The following PLCG2 variants were observed in gnomAD, a reference collection of about 807,000 sequenced individuals.
PLCG2 encodes the protein phospholipase C gamma 2, also known as 1-phosphatidylinositol 4,5-bisphosphate phosphodiesterase gamma-2.
In PLCG2, 69 loss-of-function variants were observed where a neutral mutation model predicts 175.6. The observed-to-expected ratio is 0.39, with a 90% CI of 0.32 to 0.48. The LOEUF (loss-of-function observed/expected upper bound fraction) is 0.48, where lower values mean the gene tolerates loss of function less well. Ranked by LOEUF, PLCG2 falls within the 20% of genes least tolerant of loss-of-function variation. PLCG2 has a pLI of 0.91. For synonymous variants in PLCG2, 827 were observed against 624.0 expected (o/e 1.33, Z -4.85); for missense variants, 1,798 against 1,650.9 (o/e 1.09, Z -1.54).
At chr16:81,916,316 T>A (rs1372697389) in intron 19 of PLCG2, among the ~76,000 whole-genome samples, 2 of 151,826 alleles carry the variant, frequency 1.3e-5, no homozygotes, top group Admixed American at 1.3e-4. Context: ...CAACGTTTTT[T>A]AAAAAAAGAA....
At chr16:81,864,442 T>A (rs1210337447) in intron 5 of PLCG2, among the ~76,000 whole-genome samples, 4 of 152,216 alleles carry the variant, frequency 2.6e-5, no homozygotes, top group Non-Finnish European at 5.9e-5. Flanking sequence ...ACAGCACAGA[T>A]GTCTCCATCA....
At position 81,797,056 on chromosome 16, in the gene PLCG2, T is replaced by G. The variant is rs559368257; in HGVS notation, c.193+10874T>G. ...TTGCTTTCTTCCACGTGTCATGTTATTTTCTAGCTGCGTTGGTTCTGGCCT... is the reference window on the plus strand; with the variant it reads ...TTGCTTTCTTCCACGTGTCATGTTAGTTTCTAGCTGCGTTGGTTCTGGCCT... On this transcript the variant is annotated intron_variant, in intron 2 of 32. Transcript: ENST00000564138. 7.9e-5 allele frequency among the ~76,000 whole-genome samples: 12 copies of G among 152,324 alleles called. No homozygotes were observed. The South Asian group carries it at 2.5e-3, about 32-fold the overall frequency.
Position 81,946,224 on chromosome 16 carries a change from G to A in PLCG2, c.3531G>A (p.Leu1177=). ...ATGGGTACAGCGAGGACATAGAGCT[G>A]GCTTCCCTCCTGGTTTTCTGTGAGA... The part of the protein sequence containing the change: ...LKNGYSEDIE[L]ASLLVFCEMR... The change falls in exon 31 of 33, where the codon CTG becomes CTA. Residue 1177 remains leucine (L), a synonymous_variant. Transcript: ENST00000564138. 2 of 1,613,948 alleles carry A rather than the reference G, an allele frequency of 1.2e-6. No individual in the cohort carries two copies. Among genetic ancestry groups the A allele is most frequent in the South Asian group, 1.1e-5 (1 of 91,078 alleles).
At chr16:81,747,427 C>T (rs190425567) in intron 1 of PLCG2, among the ~76,000 whole-genome samples, 29 of 152,144 alleles carry the variant, frequency 1.9e-4, no homozygotes, top group African/African-American at 5.5e-4. Flanking sequence ...CCCAGCTACA[C>T]GGGACACTGA....
At chr16:81,833,907 T>G (rs993038543) in intron 2 of PLCG2, among the ~76,000 whole-genome samples, 5 of 152,188 alleles carry the variant, frequency 3.3e-5, no homozygotes, top group Non-Finnish European at 7.3e-5. Flanking sequence ...GCTTCTGGCA[T>G]CTCTCTGTCT....
chr16:81,938,955 G>A lies in PLCG2; in HGVS notation c.3313+40G>A, dbSNP rs147045716. ...TTGGCCCCTCTGCTTTTAAACGTCC[G>A]GCCAGTGAATCCTTTGTGGGAGTGC... On this transcript the variant is annotated intron_variant, in intron 29 of 32. Transcript: ENST00000564138. 9,777 of 1,160,236 alleles carry A rather than the reference G, an allele frequency of 8.4e-3. 56 individuals carry two copies. The highest frequency in any genetic ancestry group is 0.011 in the Non-Finnish European group (8,157 of 773,464). The allele number at this position is 1,160,236 out of a possible 1,614,324, so 71.9% of individuals were successfully genotyped here.
At chr16:81,823,793 G>A (rs970814828) in intron 2 of PLCG2, among the ~76,000 whole-genome samples, 8 of 151,568 alleles carry the variant, frequency 5.3e-5, no homozygotes, top group Non-Finnish European at 8.8e-5. Context: ...GTGTCCCAAA[G>A]TGCTGGGATT....
intron 15 of PLCG2, among the ~76,000 whole-genome samples, chr16:81,905,757 C>T (rs1909341891): frequency 6.6e-6 from 1 of 152,162 alleles, no homozygotes; most frequent in African/African-American, 2.4e-5. Flanking sequence ...CTCCCAGGCT[C>T]AAGTGATCCT....
chr16:81,897,733 T>C (rs1908960576), intron 13 of PLCG2: 1 of 404,740 alleles, frequency 2.5e-6, no homozygotes, highest in Admixed American at 2.7e-5. Flanking sequence ...TTGGTAGAGA[T>C]AGGGTTTCAC....
chr16:81,886,818 G>C (rs879570512), intron 9 of PLCG2, among the ~76,000 whole-genome samples: 1 of 152,210 alleles, frequency 6.6e-6, no homozygotes, highest in Non-Finnish European at 1.5e-5. Flanking sequence ...GCCGAGTATA[G>C]AGTCAGTGCT....
chr16:81,851,302 G>A (rs979742867), intron 2 of PLCG2, among the ~76,000 whole-genome samples: 3 of 152,182 alleles, frequency 2.0e-5, no homozygotes, highest in Non-Finnish European at 2.9e-5. Context: ...CCTGGACATG[G>A]TCGCTGGTGC....
chr16:81,881,105 T>A, intron 8 of PLCG2, 152 bp downstream of exon 8: 2 of 716,364 alleles, frequency 2.8e-6, no homozygotes, highest in Non-Finnish European at 4.9e-6. Flanking sequence ...ATCCCATGCC[T>A]GTGGCGTGGA....
intron 31 of PLCG2, among the ~76,000 whole-genome samples, chr16:81,947,034 C>T (rs995044788): frequency 9.2e-5 from 14 of 152,160 alleles, no homozygotes; most frequent in African/African-American, 3.1e-4. Flanking sequence ...GCAGACACTT[C>T]ACAGAAAAGT....
At chr16:81,817,831 C>T (rs1272247114) in intron 2 of PLCG2, among the ~76,000 whole-genome samples, 1 of 152,208 alleles carries the variant, frequency 6.6e-6, no homozygotes, top group Non-Finnish European at 1.5e-5. Flanking sequence ...TATTACATGT[C>T]AGGCCCAGGC....
intron 2 of PLCG2, among the ~76,000 whole-genome samples, chr16:81,800,638 C>T (rs1345089111): frequency 1.3e-5 from 2 of 151,924 alleles, no homozygotes; most frequent in African/African-American, 4.8e-5. Context: ...GGGTTGATTC[C>T]CTATCTTCGC....
intron 2 of PLCG2, among the ~76,000 whole-genome samples, chr16:81,763,578 C>T (rs973938479): frequency 2.0e-5 from 3 of 152,242 alleles, no homozygotes; most frequent in Non-Finnish European, 4.4e-5. Flanking sequence ...GGTCTTCTAA[C>T]GTCATCTTGG....
chr16:81,941,906 G>A (rs757177437), intron 30 of PLCG2, among the ~76,000 whole-genome samples: 3 of 152,168 alleles, frequency 2.0e-5, no homozygotes, highest in Non-Finnish European at 4.4e-5. Flanking sequence ...GATTAAAGGA[G>A]TGAACCACTG....
intron 2 of PLCG2, among the ~76,000 whole-genome samples, chr16:81,846,925 C>T (rs1028606977): frequency 2.0e-5 from 3 of 152,156 alleles, no homozygotes; most frequent in Admixed American, 6.5e-5. Context: ...GCAAACAATT[C>T]TCCATTGGAC....
At chr16:81,841,499 C>A (rs1905828944) in intron 2 of PLCG2, among the ~76,000 whole-genome samples, 1 of 152,136 alleles carries the variant, frequency 6.6e-6, no homozygotes, top group African/African-American at 2.4e-5. Context: ...CTTCGGCCTC[C>A]CAAGGTGCTG....
Sources: gnomAD v4.1 joint callset for allele counts (sites outside exome capture counted in the v4.1 genomes callset) on GRCh38, gnomAD v4.1.1 for gene constraint, MANE v1.5 for transcripts, NCBI Gene and HGNC (gene_info 2026-07-23, HGNC 2026-07-21) for gene names.